PARP14: variants seen among roughly 807,000 people sequenced by gnomAD.
PARP14 encodes the protein poly(ADP-ribose) polymerase family member 14.
PARP14 carries 59 observed loss-of-function variants against 154.2 expected under a neutral mutation model. The ratio of observed to expected loss-of-function variants is 0.38; its 90% confidence interval spans 0.31 to 0.48. The LOEUF is 0.48. Ranked by LOEUF, PARP14 falls within the 20% of genes least tolerant of loss-of-function variation. PARP14 has a pLI of 0.98. For synonymous variants in PARP14, 720 were observed against 780.5 expected, an observed-to-expected ratio of 0.92 and a Z score of 1.29; for missense variants, 1,734 against 2,131.6, an observed-to-expected ratio of 0.81 and a Z score of 3.67.
At chr3:122,727,565 C>A (rs887479375) in intron 15 of PARP14, among the ~76,000 whole-genome samples, 10 of 152,282 alleles carry the variant, frequency 6.6e-5, no homozygotes, top group Middle Eastern at 3.4e-3. Context: ...TACTTAAAAT[C>A]CTAAACCTTG....
At position 122,695,447 on chromosome 3, in the gene PARP14, A is replaced by T. The variant is rs756354154; in HGVS notation, c.620A>T (p.Asp207Val). The change falls in exon 5 of 17, where the codon GAT (aspartate) becomes GTT (valine). Residue 207 changes from aspartate to valine, a missense_variant. By Grantham distance (152) the Asp-to-Val change is radical (BLOSUM62 -3). This residue lies in a region of PARP14 where 1,646 missense variants were observed against 1,976.0 expected (regional missense o/e 0.83). Transcript: ENST00000474629. ...KHIDTIRFVD[D>V]CTKHHSIKQL... ...GTAGATACTATAAGATTTGTTGATG[A>T]TTGTACCAAGCACCATTCAATTAAA... 1 of 1,578,542 alleles carries T rather than the reference A, an allele frequency of 6.3e-7. No individual in the cohort carries two copies. The highest frequency in any genetic ancestry group is 1.7e-5 in the Admixed American group (1 of 58,174).
intron 14 of PARP14, among the ~76,000 whole-genome samples, chr3:122,719,476 TG>T (rs1378005617): frequency 6.6e-6 from 1 of 152,176 alleles, no homozygotes; most frequent in Non-Finnish European, 1.5e-5. Context: ...TTGACACACA[TG>T]GCAGGAAGCA....
At chr3:122,725,110 T>G (rs1933254978) in intron 15 of PARP14, among the ~76,000 whole-genome samples, 1 of 152,174 alleles carries the variant, frequency 6.6e-6, no homozygotes, top group African/African-American at 2.4e-5. Flanking sequence ...CCTTTTCTTT[T>G]CGACAAAACT....
At chr3:122,689,051 T>G (rs964997064) in intron 3 of PARP14, among the ~76,000 whole-genome samples, 4 of 152,172 alleles carry the variant, frequency 2.6e-5, no homozygotes, top group East Asian at 1.9e-4. Context: ...AGAGAAATAC[T>G]GCTTACCTGT....
chr3:122,701,046 G>A lies in PARP14; in HGVS notation c.2492G>A (p.Gly831Asp), dbSNP rs772531153. 1.9e-6 allele frequency: 3 copies of A among 1,614,016 alleles called. No homozygotes were observed. The East Asian group carries it at 6.7e-5, about 36-fold the overall frequency. Residue 831 changes from glycine (G) to aspartate (D), a missense_variant, in exon 6 of 17, where the codon GGT becomes GAT. This residue lies in a region of PARP14 where 1,646 missense variants were observed against 1,976.0 expected (regional missense o/e 0.83). Coordinates refer to ENST00000474629, the MANE Select transcript of PARP14 (RefSeq NM_017554.3). The surrounding 1 kb of genome is among the most constrained non-coding windows in gnomAD (Gnocchi z 4.0). ...NASNEDLKHY[G>D]GLAAALSKAA... ...TCTAATGAGGACCTTAAGCATTATG[G>A]TGGCCTGGCCGCTGCGCTCTCAAAA...
At chr3:122,725,098 CT>C (rs1933254550) in intron 15 of PARP14, among the ~76,000 whole-genome samples, 1 of 152,192 alleles carries the variant, frequency 6.6e-6, no homozygotes, top group African/African-American at 2.4e-5. Flanking sequence ...CCCACATTTC[CT>C]CCTTTTCTTT....
chr3:122,728,862 A>G lies in PARP14; in HGVS notation c.*265A>G, dbSNP rs1933352185. The G allele has an allele frequency of 2.5e-6, 1 of 397,144 alleles. No homozygotes were observed. The highest frequency in any genetic ancestry group is 5.2e-5 in the East Asian group (1 of 19,232). 24.6% of individuals were successfully genotyped at this position (397,144 alleles called of 1,614,324 possible). On this transcript the variant is annotated 3_prime_UTR_variant, in exon 17 of 17. Transcript: ENST00000474629. ...CAAGTATGGACATCAAATCTGTGGGAAAAGAACAGGTTTGTATTTTCAGGA... is the reference window on the plus strand; with the variant it reads ...CAAGTATGGACATCAAATCTGTGGGGAAAGAACAGGTTTGTATTTTCAGGA...
In PARP14 at chr3:122,689,778, C is replaced by G. The variant is rs149322744; in HGVS notation, c.356-2523C>G. On this transcript the variant is annotated intron_variant, in intron 3 of 16. Coordinates refer to ENST00000474629, the MANE Select transcript of PARP14 (RefSeq NM_017554.3). Reference sequence around the variant, plus strand: ...CACTATTGCTAAATAGCCTGCCATCCTTTTCATGGAAACCTTCCATGACTC... The same window carrying G: ...CACTATTGCTAAATAGCCTGCCATCGTTTTCATGGAAACCTTCCATGACTC... Among the ~76,000 whole-genome samples the G allele has an allele frequency of 2.4e-4, 36 of 152,282 alleles. No individual in the cohort carries two copies. The East Asian group carries it at 6.9e-3, about 29-fold the overall frequency.
In PARP14 at chr3:122,728,480, T is replaced by G; in HGVS notation, c.5289T>G (p.Pro1763=). Residue 1763 remains proline (P), a synonymous_variant, in exon 17 of 17, where the codon CCT becomes CCG. Transcript: ENST00000474629. The part of the protein sequence containing the change: ...HSLIVPPSKN[P]QNPTDLYDTV... ...TAATTGTGCCTCCTTCAAAGAACCC[T>G]CAAAATCCTACTGACCTGTATGACA... The G allele has an allele frequency of 6.2e-7, 1 of 1,613,858 alleles. No homozygotes were observed. Among genetic ancestry groups the G allele is most frequent in the South Asian group, 1.1e-5 (1 of 91,080 alleles).
chr3:122,712,880 C>G (rs1425144500), intron 9 of PARP14, among the ~76,000 whole-genome samples: 1 of 152,114 alleles, frequency 6.6e-6, no homozygotes, highest in Non-Finnish European at 1.5e-5. Flanking sequence ...TTTTCTTTAT[C>G]CTTAAGGGTT....
chr3:122,713,954 T>G lies in PARP14; in HGVS notation c.3832+20T>G. The G allele has an allele frequency of 6.3e-7, 1 of 1,597,190 alleles. No individual in the cohort carries two copies. Among genetic ancestry groups the G allele is most frequent in the Non-Finnish European group, 8.6e-7 (1 of 1,164,702 alleles). ...AGCAAGGTAAGGCATATTCTATTTTTTGGTCCTAAGTTGTAATTGTATGGG... is the reference window on the plus strand; with the variant it reads ...AGCAAGGTAAGGCATATTCTATTTTGTGGTCCTAAGTTGTAATTGTATGGG... On this transcript the variant is annotated intron_variant, in intron 11 of 16. Coordinates refer to ENST00000474629, the MANE Select transcript of PARP14 (RefSeq NM_017554.3).
In PARP14 at chr3:122,687,061, T is replaced by C; in HGVS notation, c.322-19T>C. Reference sequence around the variant, plus strand: ...ATTGTTAATCATGTATTAATGCTACTTTATTGTTTGTGTTTCAGGAATCCA... The same window carrying C: ...ATTGTTAATCATGTATTAATGCTACCTTATTGTTTGTGTTTCAGGAATCCA... On this transcript the variant is annotated intron_variant, in intron 2 of 16. Coordinates refer to ENST00000474629, the MANE Select transcript of PARP14 (RefSeq NM_017554.3). The C allele has an allele frequency of 6.4e-7, 1 of 1,559,052 alleles. No homozygotes were observed. The highest frequency in any genetic ancestry group is 8.8e-7 in the Non-Finnish European group (1 of 1,140,090).
At chr3:122,714,989 T>C (rs1932949295) in intron 12 of PARP14, among the ~76,000 whole-genome samples, 1 of 152,254 alleles carries the variant, frequency 6.6e-6, no homozygotes, top group Non-Finnish European at 1.5e-5. Flanking sequence ...CTCTCCACTT[T>C]CCTCTTTTCA....
intron 9 of PARP14, among the ~76,000 whole-genome samples, chr3:122,708,511 A>AC (rs1181092060): frequency 1.3e-5 from 2 of 152,222 alleles, no homozygotes; most frequent in Non-Finnish European, 2.9e-5. Context: ...TGACAAGACT[A>AC]CCATTTCCTG....
At chr3:122,710,931 T>C (rs569565424) in intron 9 of PARP14, among the ~76,000 whole-genome samples, 3 of 152,138 alleles carry the variant, frequency 2.0e-5, no homozygotes, top group East Asian at 3.9e-4. Context: ...TTTGTGTACA[T>C]TGATTTTTTA....
chr3:122,694,784 T>C (rs1384034597), intron 4 of PARP14, among the ~76,000 whole-genome samples: 1 of 151,920 alleles, frequency 6.6e-6, no homozygotes, highest in Non-Finnish European at 1.5e-5. Flanking sequence ...CTTCCCAGAG[T>C]GCTTAGATTA....
intron 6 of PARP14, among the ~76,000 whole-genome samples, chr3:122,702,711 T>A (rs796311448): frequency 1.3e-5 from 2 of 151,944 alleles, no homozygotes; most frequent in South Asian, 4.2e-4. Flanking sequence ...TTGCACTCTT[T>A]CAAAATGTTA....
chr3:122,706,893 G>T (rs538460249), intron 8 of PARP14, among the ~76,000 whole-genome samples: 2 of 151,826 alleles, frequency 1.3e-5, no homozygotes, highest in South Asian at 4.2e-4. Flanking sequence ...CAAAAATCAT[G>T]ACTCCTCAGC....
rs1232704920 is a variant in PARP14, at chr3:122,704,754, G to A, written c.3540+6G>A. The A allele has an allele frequency of 6.5e-7, 1 of 1,533,796 alleles. No individual in the cohort carries two copies. The highest frequency in any genetic ancestry group is 1.2e-5 in the South Asian group (1 of 84,174). On this transcript the variant is annotated splice_donor_region_variant and intron_variant, in intron 8 of 16. Coordinates refer to ENST00000474629, the MANE Select transcript of PARP14 (RefSeq NM_017554.3). ...GTGATCATGAAAATATTCAGGTACAGTGCCACTAATTTCTGATTATTTTGG... is the reference window on the plus strand; with the variant it reads ...GTGATCATGAAAATATTCAGGTACAATGCCACTAATTTCTGATTATTTTGG...
Sources: allele counts gnomAD v4.1 joint callset (sites outside exome capture counted in the v4.1 genomes callset), GRCh38; gene constraint gnomAD v4.1.1; regional missense constraint gnomAD v4.1.1; non-coding constraint Gnocchi (gnomAD v3.1); transcripts MANE v1.5; gene names NCBI Gene and HGNC (gene_info 2026-07-23, HGNC 2026-07-21).